The following FBLN5 variants were observed in gnomAD, a reference collection of about 807,000 sequenced individuals.
The protein encoded by FBLN5 is fibulin-5.
FBLN5 carries 24 observed loss-of-function variants against 61.6 expected under a neutral mutation model. The ratio of observed to expected loss-of-function variants is 0.39; its 90% confidence interval spans 0.28 to 0.55. FBLN5 has a LOEUF of 0.55. FBLN5 is among the 20% of genes least tolerant of loss of function. The pLI, the probability that FBLN5 is intolerant of heterozygous loss-of-function variation, is 0.65. For synonymous variants in FBLN5, 213 were observed against 219.8 expected (o/e 0.97, Z 0.27); for missense variants, 470 against 594.1 (o/e 0.79, Z 2.17).
intron 4 of FBLN5, among the ~76,000 whole-genome samples, chr14:91,906,770 C>T (rs1000141687): frequency 3.9e-5 from 6 of 152,156 alleles, no homozygotes; most frequent in African/African-American, 1.4e-4. Context: ...CCACCCTTGC[C>T]CTCCCTCCCA....
chr14:91,923,304 A>T (rs961035642), intron 4 of FBLN5, among the ~76,000 whole-genome samples: 1 of 152,220 alleles, frequency 6.6e-6, no homozygotes, highest in African/African-American at 2.4e-5. Context: ...GTGTTCACAG[A>T]ATAAAGCCCA....
chr14:91,882,081 C>T lies in FBLN5; in HGVS notation c.863-663G>A, dbSNP rs1022910595. Among the ~76,000 whole-genome samples the T allele has an allele frequency of 9.2e-5, 14 of 151,884 alleles. No homozygotes were observed. The highest frequency in any genetic ancestry group is 4.2e-4 in the South Asian group (2 of 4,808). On this transcript the variant is annotated intron_variant, in intron 8 of 10. Transcript: ENST00000342058. The surrounding 1 kb of genome is among the most constrained non-coding windows in gnomAD (Gnocchi z 4.9). Reference sequence around the variant, plus strand: ...CTGAGGCAGGAGAATTGCTTGAACCCGGGAGGCAGAGGCTGCAGTAAGCCA... The same window carrying T: ...CTGAGGCAGGAGAATTGCTTGAACCTGGGAGGCAGAGGCTGCAGTAAGCCA...
At chr14:91,929,980 A>G (rs918283573) in intron 4 of FBLN5, among the ~76,000 whole-genome samples, 1 of 152,186 alleles carries the variant, frequency 6.6e-6, no homozygotes, top group Non-Finnish European at 1.5e-5. Context: ...GCACAAGTTA[A>G]CCCCAACTCC....
chr14:91,874,283 G>C (rs1297541536), intron 10 of FBLN5: 1 of 152,328 alleles, frequency 6.6e-6, no homozygotes, highest in East Asian at 1.9e-4. Flanking sequence ...TGGCCCAGCA[G>C]CTCCCAGCCT....
chr14:91,917,544 C>G (rs988490396), intron 4 of FBLN5, among the ~76,000 whole-genome samples: 6 of 134,748 alleles, frequency 4.5e-5, no homozygotes, highest in Middle Eastern at 4.0e-3. Flanking sequence ...CCACTGCGCT[C>G]CAGCCTGGGT....
intron 4 of FBLN5, among the ~76,000 whole-genome samples, chr14:91,898,862 C>T (rs1473330619): frequency 4.4e-5 from 6 of 136,330 alleles, no homozygotes; most frequent in African/African-American, 1.4e-4. Flanking sequence ...ACTGCAGTGG[C>T]GCAATCTAAG....
Position 91,936,837 on chromosome 14 carries a change from C to T in FBLN5, c.379+110G>A, listed in dbSNP as rs2056023604. The T allele has an allele frequency of 7.9e-6, 10 of 1,261,822 alleles. No homozygotes were observed. In the Admixed American group the frequency reaches 1.3e-4, roughly 17 times the overall value. The allele number at this position is 1,261,822 out of a possible 1,614,324, so 78.2% of individuals were successfully genotyped here. A position where few individuals can be genotyped will look rare whatever the true frequency, so the allele number is the denominator to read the frequency against. ...GTATGCAGAGAGTAAGTCATTGTTT[C>T]ACTGGTGCATTGAATGGCAACTAAC... On this transcript the variant is annotated intron_variant, in intron 4 of 10. Coordinates refer to ENST00000342058, the MANE Select transcript of FBLN5 (RefSeq NM_006329.4).
intron 4 of FBLN5, among the ~76,000 whole-genome samples, chr14:91,917,278 GT>G (rs1410732803): frequency 2.0e-5 from 3 of 152,144 alleles, no homozygotes; most frequent in African/African-American, 7.2e-5. Flanking sequence ...TCAGCTTTCA[GT>G]TATGAAAAAA....
intron 1 of FBLN5, chr14:91,946,658 A>C: frequency 7.2e-7 from 1 of 1,392,706 alleles, no homozygotes; most frequent in African/African-American, 1.4e-5. Flanking sequence ...AGACTTAAGG[A>C]TTACTTAACT....
chr14:91,925,459 T>A (rs1041576967), intron 4 of FBLN5, among the ~76,000 whole-genome samples: 1 of 152,204 alleles, frequency 6.6e-6, no homozygotes, highest in African/African-American at 2.4e-5. Flanking sequence ...CATGCTCCTC[T>A]GTTTCCAAGA....
chr14:91,896,915 G>A (rs1050124307), intron 4 of FBLN5, among the ~76,000 whole-genome samples: 2 of 152,222 alleles, frequency 1.3e-5, no homozygotes, highest in Non-Finnish European at 2.9e-5. Flanking sequence ...GAGGGCAAGG[G>A]CCTTGTGTAG....
intron 10 of FBLN5, among the ~76,000 whole-genome samples, chr14:91,872,579 G>A (rs74073243): frequency 0.013 from 1,965 of 152,302 alleles, 54 homozygotes; most frequent in African/African-American, 0.045. Context: ...GCCACCACAA[G>A]TAAGACAAGG....
chr14:91,935,446 G>C (rs987632925), intron 4 of FBLN5, among the ~76,000 whole-genome samples: 1 of 152,198 alleles, frequency 6.6e-6, no homozygotes, highest in Admixed American at 6.5e-5. Flanking sequence ...CTCAAGACAC[G>C]TAAGGGCTGA....
intron 2 of FBLN5, 98 bp downstream of exon 2, chr14:91,942,809 C>G: frequency 2.6e-6 from 2 of 770,288 alleles, no homozygotes; most frequent in Admixed American, 4.0e-5. Context: ...AAAGCCACTC[C>G]CACCCCCACA....
intron 4 of FBLN5, among the ~76,000 whole-genome samples, chr14:91,901,281 T>C (rs1167040257): frequency 1.3e-5 from 2 of 152,152 alleles, no homozygotes; most frequent in Non-Finnish European, 2.9e-5. Flanking sequence ...ATATCTCAGT[T>C]CTTGTGTGAG....
intron 4 of FBLN5, among the ~76,000 whole-genome samples, chr14:91,902,411 T>G (rs1890499056): frequency 6.6e-6 from 1 of 152,102 alleles, no homozygotes; most frequent in African/African-American, 2.4e-5. Flanking sequence ...CGACAGAAAT[T>G]TTGGAATCTT....
At chr14:91,898,926 C>A (rs1307388413) in intron 4 of FBLN5, among the ~76,000 whole-genome samples, 1 of 151,594 alleles carries the variant, frequency 6.6e-6, no homozygotes, top group Admixed American at 6.6e-5. Flanking sequence ...CTCAGCCTCC[C>A]GAGTAGCTGG....
intron 4 of FBLN5, among the ~76,000 whole-genome samples, chr14:91,930,447 C>T (rs370203497): frequency 1.6e-4 from 25 of 152,200 alleles, no homozygotes; most frequent in East Asian, 1.3e-3. Context: ...TGCAGAACCC[C>T]CACCTCAATG....
intron 4 of FBLN5, among the ~76,000 whole-genome samples, chr14:91,898,068 C>G (rs1890297680): frequency 6.6e-6 from 1 of 152,120 alleles, no homozygotes; most frequent in Non-Finnish European, 1.5e-5. Context: ...AAAGAATTAA[C>G]TCAGTTATAC....
Sources: gnomAD v4.1 joint callset for allele counts (sites outside exome capture counted in the v4.1 genomes callset) on GRCh38, gnomAD v4.1.1 for gene constraint, Gnocchi (gnomAD v3.1) non-coding constraint, MANE v1.5 for transcripts, NCBI Gene and HGNC (gene_info 2026-07-23, HGNC 2026-07-21) for gene names.